DOCK7: variants seen among roughly 807,000 people sequenced by gnomAD.
DOCK7 encodes the protein dedicator of cytokinesis protein 7.
Under a neutral mutation model 271.0 loss-of-function variants are expected in DOCK7, and 138 were observed. The observed-to-expected ratio is 0.51, with a 90% CI of 0.44 to 0.59. The LOEUF (loss-of-function observed/expected upper bound fraction) is 0.59, where lower values mean the gene tolerates loss of function less well. Ranked by LOEUF, DOCK7 falls within the 20% of genes least tolerant of loss-of-function variation. The probability of loss-of-function intolerance (pLI) is 0.00; values close to 1 mark genes in which losing one functional copy is unlikely to be tolerated. For synonymous variants in DOCK7, 823 were observed against 876.1 expected (o/e 0.94, Z 1.07); for missense variants, 2,066 against 2,592.4 (o/e 0.80, Z 4.41).
intron 12 of DOCK7, 84 bp downstream of exon 12, chr1:62,625,175 G>A (rs952013770): frequency 2.8e-5 from 39 of 1,377,782 alleles, no homozygotes; most frequent in Non-Finnish European, 3.6e-5. Context: ...TCCCATACAT[G>A]TATAGTACAA....
intron 30 of DOCK7, 127 bp from the exon 31 acceptor site, chr1:62,528,432 G>T: frequency 1.2e-6 from 1 of 858,986 alleles, no homozygotes; most frequent in Non-Finnish European, 1.7e-6. Context: ...TACTTCTTTT[G>T]GATAATATTT....
chr1:62,567,272 C>G (rs1646549958), intron 18 of DOCK7, among the ~76,000 whole-genome samples: 1 of 152,168 alleles, frequency 6.6e-6, no homozygotes, highest in African/African-American at 2.4e-5. Context: ...GCACTATTCA[C>G]AAGAGCAAAG....
intron 31 of DOCK7, among the ~76,000 whole-genome samples, chr1:62,519,313 T>C (rs954884354): frequency 2.0e-5 from 3 of 152,202 alleles, no homozygotes; most frequent in African/African-American, 7.2e-5. Flanking sequence ...AGAATATTCA[T>C]TCTTTTAGAA....
intron 2 of DOCK7, among the ~76,000 whole-genome samples, chr1:62,661,748 G>A (rs1658688510): frequency 6.6e-6 from 1 of 152,082 alleles, no homozygotes; most frequent in Admixed American, 6.6e-5. Flanking sequence ...ATAAGACGTG[G>A]TGATCAGAGA....
chr1:62,534,058 G>A (rs950034645), intron 29 of DOCK7, among the ~76,000 whole-genome samples: 2 of 151,916 alleles, frequency 1.3e-5, no homozygotes, highest in African/African-American at 4.8e-5. Flanking sequence ...GAGTGCAGTG[G>A]TGTGATCTTG....
At chr1:62,623,515 G>A (rs374631225) in intron 12 of DOCK7, among the ~76,000 whole-genome samples, 1 of 152,162 alleles carries the variant, frequency 6.6e-6, no homozygotes, top group Non-Finnish European at 1.5e-5. Flanking sequence ...ATAGATAGGG[G>A]GTAGATGGCT....
At chr1:62,654,996 C>T (rs1227479424) in intron 2 of DOCK7, among the ~76,000 whole-genome samples, 1 of 152,172 alleles carries the variant, frequency 6.6e-6, no homozygotes, top group Non-Finnish European at 1.5e-5. Flanking sequence ...TTATTTTAGT[C>T]CAGTGATACT....
chr1:62,681,639 A>C (rs1476949562), intron 1 of DOCK7, among the ~76,000 whole-genome samples: 3 of 152,128 alleles, frequency 2.0e-5, no homozygotes, highest in African/African-American at 7.2e-5. Flanking sequence ...ATGCATATGT[A>C]TACCTGAAAA....
At chr1:62,639,996 T>C (rs1266813592) in intron 7 of DOCK7, among the ~76,000 whole-genome samples, 4 of 151,990 alleles carry the variant, frequency 2.6e-5, no homozygotes, top group Admixed American at 6.6e-5. Flanking sequence ...CTATCAAACA[T>C]AGGCATGTTT....
rs1267929323 is a variant in DOCK7 at position 62,597,679 on chromosome 1, C to T, written c.1683-11055G>A. 7.4e-6 allele frequency: 12 copies of T among 1,613,482 alleles called. 1 individual carries two copies. In the East Asian group the frequency reaches 2.2e-4, roughly 30 times the overall value. On this transcript the variant is annotated intron_variant, in intron 14 of 49. Coordinates refer to ENST00000635253, the MANE Select transcript of DOCK7 (RefSeq NM_001367561.1). ...TCTCCAGAGCCAAAATCAAGATTTG[C>T]TATGTTAGACGATGTAAAAATTTTA...
At chr1:62,455,859 AATT>A (rs2149216188) in intron 49 of DOCK7, among the ~76,000 whole-genome samples, 1 of 152,328 alleles carries the variant, frequency 6.6e-6, no homozygotes, top group African/African-American at 2.4e-5. Flanking sequence ...CACTCTTAAA[AATT>A]ATTGAGAACC....
chr1:62,455,472 GAGGACAT>G lies in DOCK7; in HGVS notation c.6381-23_6381-17del. The stretch of plus-strand genomic sequence containing the variant: ...GAAGGAATCTCTGGGAAAAAAATGA[GAGGACAT>G]AGTTAGTTAAAGAGAACAATTTTTG... On this transcript the variant is annotated splice_polypyrimidine_tract_variant and intron_variant, in intron 49 of 49. Transcript: ENST00000635253. 1 of 1,612,932 alleles carries G rather than the reference GAGGACAT, an allele frequency of 6.2e-7. No individual in the cohort carries two copies. Among genetic ancestry groups the G allele is most frequent in the Non-Finnish European group, 8.5e-7 (1 of 1,179,270 alleles).
intron 14 of DOCK7, among the ~76,000 whole-genome samples, chr1:62,590,296 T>C (rs1648244733): frequency 6.6e-6 from 1 of 152,176 alleles, no homozygotes; most frequent in African/African-American, 2.4e-5. Context: ...TATGGGAATT[T>C]TGGAAGTCTT....
chr1:62,569,870 C>T (rs1192353802), intron 18 of DOCK7, among the ~76,000 whole-genome samples: 1 of 152,004 alleles, frequency 6.6e-6, no homozygotes, highest in Non-Finnish European at 1.5e-5. Context: ...CATGCCACCA[C>T]GTCTGGCTAA....
intron 43 of DOCK7, among the ~76,000 whole-genome samples, chr1:62,480,266 C>G (rs1239478656): frequency 6.6e-6 from 1 of 152,130 alleles, no homozygotes; most frequent in African/African-American, 2.4e-5. Flanking sequence ...CACCTTCAAT[C>G]TGAACACTGA....
At chr1:62,488,018 T>C (rs1646347711) in intron 42 of DOCK7, 1 of 152,386 alleles carries the variant, frequency 6.6e-6, no homozygotes, top group African/African-American at 2.4e-5. Flanking sequence ...TTTTAGACTG[T>C]CAAAGGCTTT....
In DOCK7 at chr1:62,523,224, A is replaced by G. The variant is rs573150658; in HGVS notation, c.3936+4927T>C. ...ATTTATGTAGATATACAAAGGGCCA[A>G]AAAGTAGCCAAGAAAAATTTTAAAA... On this transcript the variant is annotated intron_variant, in intron 31 of 49. Coordinates refer to ENST00000635253, the MANE Select transcript of DOCK7 (RefSeq NM_001367561.1). 7.1e-4 allele frequency among the ~76,000 whole-genome samples: 108 copies of G among 152,322 alleles called. No homozygotes were observed. In the South Asian group the frequency reaches 0.022, roughly 31 times the overall value.
intron 18 of DOCK7, among the ~76,000 whole-genome samples, chr1:62,564,380 A>C (rs1272970749): frequency 6.6e-6 from 1 of 152,148 alleles, no homozygotes; most frequent in Admixed American, 6.5e-5. Context: ...ACCACAGTGC[A>C]ATCAAATTAG....
At chr1:62,660,157 A>AC (rs1658499480) in intron 2 of DOCK7, among the ~76,000 whole-genome samples, 1 of 152,184 alleles carries the variant, frequency 6.6e-6, no homozygotes, top group Admixed American at 6.5e-5. Context: ...ACCAAGACAG[A>AC]CCATACTCTG....
Sources: gnomAD v4.1 joint callset for allele counts (sites outside exome capture counted in the v4.1 genomes callset) on GRCh38, gnomAD v4.1.1 for gene constraint, MANE v1.5 for transcripts, NCBI Gene and HGNC (gene_info 2026-07-23, HGNC 2026-07-21) for gene names.